Variants in B4GALT5 observed in about 807,000 individuals in gnomAD.
B4GALT5 encodes the protein beta-1,4-galactosyltransferase 5, also known as UDP-Gal:beta-GlcNAc beta-1,4-galactosyltransferase 5.
B4GALT5 carries 11 observed loss-of-function variants against 45.0 expected under a neutral mutation model. The observed-to-expected ratio is 0.24, with a 90% CI of 0.15 to 0.40. B4GALT5 has a LOEUF of 0.40. B4GALT5 is among the 10% of genes least tolerant of loss of function. B4GALT5 has a pLI of 1.00. For missense variants in B4GALT5, 337 were observed against 500.2 expected, an observed-to-expected ratio of 0.67 and a Z score of 3.11; for synonymous variants, 185 against 182.9, an observed-to-expected ratio of 1.01 and a Z score of -0.09.
chr20:49,643,424 A>G, intron 4 of B4GALT5, 102 bp downstream of exon 4: 1 of 1,463,580 alleles, frequency 6.8e-7, no homozygotes, highest in Non-Finnish European at 9.3e-7. Flanking sequence ...TGGTAGGATG[A>G]AAATGACAAA....
At chr20:49,710,984 G>A (rs2085907822) in intron 1 of B4GALT5, among the ~76,000 whole-genome samples, 1 of 151,812 alleles carries the variant, frequency 6.6e-6, no homozygotes, top group African/African-American at 2.4e-5. Context: ...TCAGGAGGCT[G>A]AGGGAGGAGG....
chr20:49,650,632 C>T (rs944652679), intron 2 of B4GALT5, among the ~76,000 whole-genome samples: 2 of 151,790 alleles, frequency 1.3e-5, no homozygotes, highest in Non-Finnish European at 2.9e-5. Flanking sequence ...AGCAAAACTC[C>T]ATCATAAACA....
At chr20:49,686,558 T>C (rs1377831356) in intron 1 of B4GALT5, among the ~76,000 whole-genome samples, 1 of 151,974 alleles carries the variant, frequency 6.6e-6, no homozygotes, top group Non-Finnish European at 1.5e-5. Context: ...CAACCATTTT[T>C]AGGACCCTAG....
At chr20:49,674,610 C>T (rs934404747) in intron 1 of B4GALT5, among the ~76,000 whole-genome samples, 3 of 151,004 alleles carry the variant, frequency 2.0e-5, no homozygotes, top group Admixed American at 6.6e-5. Flanking sequence ...CACAGGAGAC[C>T]GAGGTGGGAG....
intron 1 of B4GALT5, among the ~76,000 whole-genome samples, chr20:49,690,110 T>C (rs1330238894): frequency 6.6e-6 from 1 of 151,952 alleles, no homozygotes; most frequent in African/African-American, 2.4e-5. Context: ...CTCAAGCAAT[T>C]CTCCTGCCTC....
intron 2 of B4GALT5, among the ~76,000 whole-genome samples, chr20:49,652,452 TC>T (rs773760195): frequency 2.0e-4 from 30 of 151,796 alleles, no homozygotes; most frequent in Admixed American, 7.2e-4. Flanking sequence ...GAATTAGCAT[TC>T]TTCAAGAGTT....
At chr20:49,697,673 A>C (rs2085845114) in intron 1 of B4GALT5, among the ~76,000 whole-genome samples, 1 of 151,968 alleles carries the variant, frequency 6.6e-6, no homozygotes, top group Admixed American at 6.6e-5. Context: ...AGCTTTAAAA[A>C]TCCAGGTTAT....
chr20:49,707,625 G>A (rs989416555), intron 1 of B4GALT5, among the ~76,000 whole-genome samples: 67 of 152,052 alleles, frequency 4.4e-4, no homozygotes, highest in African/African-American at 1.5e-3. Flanking sequence ...CTCTAAAATC[G>A]TTGTTTGGAG....
intron 1 of B4GALT5, among the ~76,000 whole-genome samples, chr20:49,699,743 A>C (rs551747420): frequency 6.6e-6 from 1 of 152,164 alleles, no homozygotes. Context: ...CCTCCCTCAC[A>C]ATCTGCCCAA....
At position 49,643,534 on chromosome 20, in the gene B4GALT5, G is replaced by A; in HGVS notation, c.481C>T (p.Arg161Trp). 1.2e-6 allele frequency: 2 copies of A among 1,614,000 alleles called. No homozygotes were observed. The highest frequency in any genetic ancestry group is 1.1e-5 in the South Asian group (1 of 91,068). ...GHWKPSDCMP[R>W]WKVAILIPFR... ...GTGACTTCACACCCTACCTTCCACC[G>A]AGGCATGCAATCAGAAGGCTTCCAG... is the stretch of plus-strand genomic sequence containing the variant. Residue 161 changes from arginine (R) to tryptophan (W), a missense_variant, in exon 4 of 9, where the codon CGG (arginine) becomes TGG (tryptophan). Transcript: ENST00000371711.
Position 49,632,961 on chromosome 20 carries a change from G to T in B4GALT5, c.*3351C>A, listed in dbSNP as rs547866019. On this transcript the variant is annotated 3_prime_UTR_variant, in exon 9 of 9. Transcript: ENST00000371711. ...CCACCAAGGTTTGGTTCTTGAATAT[G>T]TATTTTTTACTGAAAAAATCATTCA... 1 of 152,582 alleles carries T rather than the reference G, an allele frequency of 6.6e-6. No homozygotes were observed. Among genetic ancestry groups the T allele is most frequent in the South Asian group, 2.1e-4 (1 of 4,830 alleles). The allele number at this position is 152,582 out of a possible 1,614,324, so 9.5% of individuals were successfully genotyped here. A position where few individuals can be genotyped will look rare whatever the true frequency, so the allele number is the denominator to read the frequency against.
intron 7 of B4GALT5, 77 bp downstream of exon 7, chr20:49,639,601 T>C: frequency 6.4e-7 from 1 of 1,558,022 alleles, no homozygotes; most frequent in Non-Finnish European, 8.7e-7. Flanking sequence ...TGGCTTGCAT[T>C]ATATTCCTAT....
intron 2 of B4GALT5, among the ~76,000 whole-genome samples, chr20:49,655,780 T>C (rs1257444828): frequency 6.6e-6 from 1 of 151,642 alleles, no homozygotes; most frequent in Non-Finnish European, 1.5e-5. Context: ...AATACAAAAA[T>C]TAGCCAGGCA....
At chr20:49,674,229 C>CAAAAAAA (rs1377796417) in intron 1 of B4GALT5, among the ~76,000 whole-genome samples, 1 of 64,196 alleles carries the variant, frequency 1.6e-5, no homozygotes, top group African/African-American at 5.8e-5. Flanking sequence ...GACTCCATCT[C>CAAAAAAA]AAAAAAAAAA....
intron 1 of B4GALT5, among the ~76,000 whole-genome samples, chr20:49,699,705 AAGG>A (rs2085853747): frequency 2.6e-5 from 4 of 152,218 alleles, no homozygotes; most frequent in African/African-American, 9.6e-5. Context: ...GAGAAAAGTC[AAGG>A]TAGGAACGGC....
chr20:49,684,269 A>T (rs1362490437), intron 1 of B4GALT5, among the ~76,000 whole-genome samples: 1 of 150,630 alleles, frequency 6.6e-6, no homozygotes, highest in Non-Finnish European at 1.5e-5. Flanking sequence ...ACTTTAATTT[A>T]AAAAAAAAGT....
chr20:49,703,951 A>C (rs989452541), intron 1 of B4GALT5, among the ~76,000 whole-genome samples: 2 of 152,050 alleles, frequency 1.3e-5, no homozygotes, highest in African/African-American at 4.8e-5. Flanking sequence ...TCAGTCTACT[A>C]TCATTTTTGG....
intron 1 of B4GALT5, among the ~76,000 whole-genome samples, chr20:49,701,048 T>C (rs1451998106): frequency 6.6e-6 from 1 of 152,206 alleles, no homozygotes; most frequent in Non-Finnish European, 1.5e-5. Flanking sequence ...AAAAATTTAC[T>C]AAAGTGAAGC....
intron 1 of B4GALT5, among the ~76,000 whole-genome samples, chr20:49,707,812 C>A (rs931667393): frequency 1.3e-5 from 2 of 151,586 alleles, no homozygotes; most frequent in African/African-American, 4.8e-5. Flanking sequence ...CGAGGTTTCA[C>A]TATGTTGCCC....
Sources: gnomAD v4.1 joint callset for allele counts (sites outside exome capture counted in the v4.1 genomes callset) on GRCh38, gnomAD v4.1.1 for gene constraint, MANE v1.5 for transcripts, NCBI Gene and HGNC (gene_info 2026-07-23, HGNC 2026-07-21) for gene names.